Variants in TSPAN5 observed in about 807,000 individuals in gnomAD.
The protein encoded by TSPAN5 is tetraspanin 5, also known as tetraspanin-5.
In TSPAN5, 10 loss-of-function variants were observed where a neutral mutation model predicts 37.1. The observed-to-expected ratio is 0.27, with a 90% CI of 0.17 to 0.46. The LOEUF is 0.46. Ranked by LOEUF, TSPAN5 falls within the 20% of genes least tolerant of loss-of-function variation. The pLI is 1.00. For missense variants in TSPAN5, 195 were observed against 326.6 expected, an observed-to-expected ratio of 0.60 and a Z score of 3.11; for synonymous variants, 110 against 118.9, an observed-to-expected ratio of 0.93 and a Z score of 0.48.
chr4:98,521,407 A>G (rs892439325), intron 1 of TSPAN5, among the ~76,000 whole-genome samples: 3 of 152,310 alleles, frequency 2.0e-5, no homozygotes, highest in Admixed American at 6.5e-5. Flanking sequence ...ACAACTCACT[A>G]TGTATCACCT....
chr4:98,549,066 C>T (rs562343045), intron 1 of TSPAN5, among the ~76,000 whole-genome samples: 5 of 152,182 alleles, frequency 3.3e-5, no homozygotes, highest in South Asian at 2.1e-4. Flanking sequence ...GGTTAGATAC[C>T]GGAAATGGGA....
chr4:98,580,367 G>A (rs562664521), intron 1 of TSPAN5, among the ~76,000 whole-genome samples: 5 of 152,148 alleles, frequency 3.3e-5, no homozygotes, highest in South Asian at 2.1e-4. Flanking sequence ...CTATCCCAGC[G>A]AGGCAAGTTG....
At chr4:98,624,048 C>T (rs1463611707) in intron 1 of TSPAN5, among the ~76,000 whole-genome samples, 1 of 151,964 alleles carries the variant, frequency 6.6e-6, no homozygotes, top group African/African-American at 2.4e-5. Context: ...AATTATATTA[C>T]CAAATTGAAT....
Position 98,592,421 on chromosome 4 carries a change from G to GTTTT in TSPAN5, c.81+65721_81+65724dup, listed in dbSNP as rs1204813183. On this transcript the variant is annotated intron_variant, in intron 1 of 7. Coordinates refer to ENST00000305798, the MANE Select transcript of TSPAN5 (RefSeq NM_005723.4). ...TGGTTTACCTAACTAAGGGATCTCTGTTTTTTGTTTTTTTTTTTTTTTTTT... is the reference window on the plus strand; with the variant it reads ...TGGTTTACCTAACTAAGGGATCTCTGTTTTTTTTTTGTTTTTTTTTTTTTTTTTT... Among the ~76,000 whole-genome samples the GTTTT allele has an allele frequency of 3.2e-3, 308 of 95,030 alleles. 9 individuals are homozygous for GTTTT. Among genetic ancestry groups the GTTTT allele is most frequent in the African/African-American group, 8.7e-3 (198 of 22,662 alleles). 62.3% of individuals were successfully genotyped at this position (95,030 alleles called of 152,430 possible).
chr4:98,570,981 C>T (rs1397805598), intron 1 of TSPAN5, among the ~76,000 whole-genome samples: 1 of 150,854 alleles, frequency 6.6e-6, no homozygotes, highest in Non-Finnish European at 1.5e-5. Context: ...CACTACGCTC[C>T]AATATGGGCG....
chr4:98,509,596 C>T (rs1753559397), intron 1 of TSPAN5, among the ~76,000 whole-genome samples: 1 of 152,166 alleles, frequency 6.6e-6, no homozygotes, highest in Non-Finnish European at 1.5e-5. Flanking sequence ...CTACCCCTTG[C>T]TCTTATAGGG....
At chr4:98,533,133 T>C (rs890231173) in intron 1 of TSPAN5, among the ~76,000 whole-genome samples, 5 of 152,192 alleles carry the variant, frequency 3.3e-5, no homozygotes, top group African/African-American at 1.2e-4. Context: ...TCATCAGAGA[T>C]ATTGGCCTGA....
chr4:98,616,441 G>A (rs1482232089), intron 1 of TSPAN5, among the ~76,000 whole-genome samples: 1 of 152,066 alleles, frequency 6.6e-6, no homozygotes, highest in African/African-American at 2.4e-5. Context: ...CAGGTCAAGG[G>A]GAAGTTAAAG....
intron 4 of TSPAN5, among the ~76,000 whole-genome samples, chr4:98,479,727 T>C (rs115004537): frequency 0.016 from 2,443 of 152,304 alleles, 26 homozygotes; most frequent in Middle Eastern, 0.027. Flanking sequence ...TTTCTATGGA[T>C]TGTTTGTAAC....
chr4:98,588,491 T>C lies in TSPAN5; in HGVS notation c.81+69655A>G, dbSNP rs139728930. Among the ~76,000 whole-genome samples, 3 of 152,320 alleles carry C rather than the reference T, an allele frequency of 2.0e-5. No individual in the cohort carries two copies. In the East Asian group the frequency reaches 5.8e-4, roughly 29 times the overall value. ...TATCACTATTTTTTAAAGAATGTCTTTTCTCATCTTTTGCTTTGAATATAT... is the reference window on the plus strand; with the variant it reads ...TATCACTATTTTTTAAAGAATGTCTCTTCTCATCTTTTGCTTTGAATATAT... On this transcript the variant is annotated intron_variant, in intron 1 of 7. Coordinates refer to ENST00000305798, the MANE Select transcript of TSPAN5 (RefSeq NM_005723.4).
chr4:98,642,105 T>C, intron 1 of TSPAN5, among the ~76,000 whole-genome samples: 1 of 152,182 alleles, frequency 6.6e-6, no homozygotes, highest in East Asian at 1.9e-4. Context: ...CAAAGAACAA[T>C]GAAATAAGCA....
intron 1 of TSPAN5, among the ~76,000 whole-genome samples, chr4:98,627,136 TAAGAA>T (rs1756624730): frequency 6.6e-6 from 1 of 152,060 alleles, no homozygotes; most frequent in Non-Finnish European, 1.5e-5. Flanking sequence ...AAACATCTCC[TAAGAA>T]AAGGAAGGAC....
intron 5 of TSPAN5, 97 bp downstream of exon 5, chr4:98,478,588 A>G: frequency 6.9e-7 from 1 of 1,454,382 alleles, no homozygotes; most frequent in South Asian, 1.2e-5. Context: ...GTAACCAGGT[A>G]AGAAGAGGGT....
At chr4:98,475,656 G>A (rs1488192289) in intron 7 of TSPAN5, among the ~76,000 whole-genome samples, 1 of 152,168 alleles carries the variant, frequency 6.6e-6, no homozygotes, top group African/African-American at 2.4e-5. Flanking sequence ...GTTTCCTAAA[G>A]TATTTCATGA....
At chr4:98,603,298 T>C (rs1005644181) in intron 1 of TSPAN5, among the ~76,000 whole-genome samples, 2 of 152,170 alleles carry the variant, frequency 1.3e-5, no homozygotes, top group Non-Finnish European at 2.9e-5. Context: ...TAGGAACAAA[T>C]ACAGACATCC....
chr4:98,620,329 C>T (rs895565540), intron 1 of TSPAN5, among the ~76,000 whole-genome samples: 5 of 152,152 alleles, frequency 3.3e-5, no homozygotes, highest in African/African-American at 7.2e-5. Context: ...CAACAGTCCC[C>T]GCTGAGGCTG....
intron 1 of TSPAN5, among the ~76,000 whole-genome samples, chr4:98,613,605 A>T (rs1265848412): frequency 6.6e-6 from 1 of 152,162 alleles, no homozygotes. Flanking sequence ...CAGACTGCTT[A>T]CTTCAATGAC....
At chr4:98,510,700 A>G (rs538460143) in intron 1 of TSPAN5, among the ~76,000 whole-genome samples, 1 of 152,306 alleles carries the variant, frequency 6.6e-6, no homozygotes, top group South Asian at 2.1e-4. Context: ...TTGCTCCCAT[A>G]TTTCCTGCTT....
intron 1 of TSPAN5, among the ~76,000 whole-genome samples, chr4:98,518,288 T>C (rs749542201): frequency 2.1e-4 from 32 of 152,164 alleles, no homozygotes; most frequent in Non-Finnish European, 4.4e-4. Flanking sequence ...TAGGATTATA[T>C]CATTCAACTT....
Sources: allele counts gnomAD v4.1 joint callset (sites outside exome capture counted in the v4.1 genomes callset), GRCh38; gene constraint gnomAD v4.1.1; transcripts MANE v1.5; gene names NCBI Gene and HGNC (gene_info 2026-07-23, HGNC 2026-07-21).